Variants in TMEM236 observed in about 807,000 individuals in gnomAD.
TMEM236 encodes the protein transmembrane protein 236.
A neutral mutation model predicts 14.7 loss-of-function variants in TMEM236; 11 were observed. The observed-to-expected ratio is 0.75, with a 90% CI of 0.47 to 1.24. The LOEUF (loss-of-function observed/expected upper bound fraction) is 1.24, where lower values mean the gene tolerates loss of function less well. Ranked by LOEUF, TMEM236 falls within the 50% of genes most tolerant of loss-of-function variation. The pLI is 0.00. For missense variants in TMEM236, 464 were observed against 427.3 expected (o/e 1.09, Z -0.76); for synonymous variants, 182 against 168.6 (o/e 1.08, Z -0.62).
At chr10:17,780,097 G>A (rs1837722597) in intron 3 of TMEM236, among the ~76,000 whole-genome samples, 2 of 152,100 alleles carry the variant, frequency 1.3e-5, no homozygotes, top group Admixed American at 1.3e-4. Context: ...CAAATTGGCT[G>A]GGCTTCAGTG....
At chr10:17,765,711 T>C (rs1456017968) in intron 1 of TMEM236, among the ~76,000 whole-genome samples, 1 of 152,220 alleles carries the variant, frequency 6.6e-6, no homozygotes, top group African/African-American at 2.4e-5. Context: ...CTCTGTGTCT[T>C]GATGCTGATT....
At chr10:17,780,706 C>T (rs1837732644) in intron 3 of TMEM236, among the ~76,000 whole-genome samples, 1 of 151,902 alleles carries the variant, frequency 6.6e-6, no homozygotes, top group Admixed American at 6.6e-5. Context: ...GGGTAGATAC[C>T]CAAGGTTCGT....
At position 17,796,406 on chromosome 10, in the gene TMEM236, G is replaced by T; in HGVS notation, c.958G>T (p.Gly320Cys). ...IALGTITPVL[G>C]LCKNILVTLS... ...CCTGGGGACTATCACACCCGTACTG[G>T]GCCTGTGTAAAAATATCCTCGTGAC... Residue 320 changes from glycine to cysteine, a missense_variant, in exon 4 of 4, where the codon GGC becomes TGC. Transcript: ENST00000377495. 1 of 1,613,618 alleles carries T rather than the reference G, an allele frequency of 6.2e-7. No homozygotes were observed. The highest frequency in any genetic ancestry group is 8.5e-7 in the Non-Finnish European group (1 of 1,179,784).
intron 3 of TMEM236, among the ~76,000 whole-genome samples, chr10:17,788,687 A>T (rs1170771165): frequency 2.0e-5 from 3 of 152,126 alleles, no homozygotes; most frequent in Admixed American, 2.0e-4. Flanking sequence ...TTTATATTGT[A>T]TAAGATACAG....
At chr10:17,790,090 C>T (rs1293966475) in intron 3 of TMEM236, among the ~76,000 whole-genome samples, 1 of 151,960 alleles carries the variant, frequency 6.6e-6, no homozygotes, top group Non-Finnish European at 1.5e-5. Flanking sequence ...ATGAGCCAGG[C>T]GTCATAGCGC....
chr10:17,784,253 T>G (rs1837799337), intron 3 of TMEM236, among the ~76,000 whole-genome samples: 1 of 152,212 alleles, frequency 6.6e-6, no homozygotes. Context: ...ACAAGTTGGT[T>G]AATTTATAAA....
At chr10:17,752,641 A>G in intron 1 of TMEM236, 89 bp downstream of exon 1, 2 of 1,338,494 alleles carry the variant, frequency 1.5e-6, no homozygotes, top group Admixed American at 3.4e-5. Flanking sequence ...GTCTTGGCTC[A>G]CTGCAACGTC....
chr10:17,761,347 C>T (rs1274363335), intron 1 of TMEM236, among the ~76,000 whole-genome samples: 1 of 152,092 alleles, frequency 6.6e-6, no homozygotes, highest in Non-Finnish European at 1.5e-5. Flanking sequence ...CTTCTTTTCT[C>T]CCCCCTGCAT....
intron 1 of TMEM236, among the ~76,000 whole-genome samples, chr10:17,761,693 CAAA>C (rs1297497582): frequency 3.5e-5 from 4 of 114,084 alleles, no homozygotes; most frequent in African/African-American, 6.6e-5. Flanking sequence ...GACTATGTCT[CAAA>C]AAAAAAAAAA....
intron 1 of TMEM236, among the ~76,000 whole-genome samples, chr10:17,763,594 A>C (rs2131743808): frequency 6.6e-6 from 1 of 152,296 alleles, no homozygotes; most frequent in Non-Finnish European, 1.5e-5. Flanking sequence ...CTTATTAGAA[A>C]AACACTGTGC....
intron 2 of TMEM236, among the ~76,000 whole-genome samples, chr10:17,773,270 A>G (rs1837603747): frequency 6.6e-6 from 1 of 152,222 alleles, no homozygotes; most frequent in Non-Finnish European, 1.5e-5. Flanking sequence ...AACAGATTGT[A>G]CTGATTTCTA....
Position 17,760,942 on chromosome 10 carries a change from CAT to C in TMEM236, c.257+8391_257+8392del, listed in dbSNP as rs1333663527. 3.1e-4 allele frequency among the ~76,000 whole-genome samples: 47 copies of C among 152,308 alleles called. No homozygotes were observed. In the South Asian group the frequency reaches 8.3e-3, roughly 27 times the overall value. On this transcript the variant is annotated intron_variant, in intron 1 of 3. Coordinates refer to ENST00000377495, the MANE Select transcript of TMEM236 (RefSeq NM_001098844.3). The stretch of plus-strand genomic sequence containing the variant: ...ACCTCCCACCAGGTCCCTCCCATGA[CAT>C]GTGGGAATTCTGGGAGCTACAATTC...
chr10:17,777,020 A>G (rs1837668427), intron 3 of TMEM236, among the ~76,000 whole-genome samples: 1 of 152,146 alleles, frequency 6.6e-6, no homozygotes, highest in Non-Finnish European at 1.5e-5. Context: ...TGAAATGGGT[A>G]AGGTTTGTCA....
intron 3 of TMEM236, among the ~76,000 whole-genome samples, chr10:17,788,513 G>A (rs963724845): frequency 6.6e-6 from 1 of 151,340 alleles, no homozygotes; most frequent in Admixed American, 6.6e-5. Flanking sequence ...CACTTTGGGA[G>A]GTTGAGGTGG....
intron 1 of TMEM236, among the ~76,000 whole-genome samples, chr10:17,766,101 T>C (rs1170647417): frequency 6.6e-6 from 1 of 152,236 alleles, no homozygotes; most frequent in Non-Finnish European, 1.5e-5. Flanking sequence ...ATGGATAGCC[T>C]GAGAATTTGT....
chr10:17,769,409 A>G (rs1347592051), intron 1 of TMEM236, among the ~76,000 whole-genome samples: 1 of 152,238 alleles, frequency 6.6e-6, no homozygotes, highest in Non-Finnish European at 1.5e-5. Context: ...GTCAGAGTTC[A>G]GGAAAAACAC....
intron 1 of TMEM236, among the ~76,000 whole-genome samples, chr10:17,753,554 C>T (rs1007699913): frequency 3.3e-5 from 5 of 152,270 alleles, no homozygotes; most frequent in African/African-American, 9.6e-5. Flanking sequence ...CAGCTCCATC[C>T]ATGTCCCTGC....
At chr10:17,775,513 A>G (rs1837645288) in intron 2 of TMEM236, among the ~76,000 whole-genome samples, 2 of 152,202 alleles carry the variant, frequency 1.3e-5, no homozygotes, top group Admixed American at 6.5e-5. Context: ...GGCTCAAGCA[A>G]TCCTCCCACC....
chr10:17,762,596 TATATATATATATATATATATATAC>T (rs1203117902), intron 1 of TMEM236, among the ~76,000 whole-genome samples: 5,293 of 84,516 alleles, frequency 0.063, 310 homozygotes, highest in East Asian at 0.25. Flanking sequence ...TATATATATA[TATATATATATATATATATATATAC>T]ACACATACAT....
Sources: allele counts gnomAD v4.1 joint callset (sites outside exome capture counted in the v4.1 genomes callset), GRCh38; gene constraint gnomAD v4.1.1; transcripts MANE v1.5; gene names NCBI Gene and HGNC (gene_info 2026-07-23, HGNC 2026-07-21).